Variants in COL26A1 observed in about 807,000 individuals in gnomAD.
COL26A1 encodes collagen type XXVI alpha 1 chain.
A neutral mutation model predicts 59.3 loss-of-function variants in COL26A1; 41 were observed. The ratio of observed to expected loss-of-function variants is 0.69; its 90% CI spans 0.54 to 0.90. The LOEUF is 0.90. COL26A1 is among the 40% of genes least tolerant of loss of function. The pLI, the probability that COL26A1 is intolerant of heterozygous loss-of-function variation, is 0.00. For synonymous variants in COL26A1, 266 were observed against 256.0 expected (o/e 1.04, Z -0.37); for missense variants, 612 against 602.3 (o/e 1.02, Z -0.17).
In COL26A1 at chr7:101,558,501, C is replaced by T. The variant is rs1198849562; in HGVS notation, c.*971C>T. ...TCTCTCAGTGGACTCTATAGGTTTG[C>T]TACTTTTGCATGACACAGCAAGCCC... is the stretch of plus-strand genomic sequence containing the variant. On this transcript the variant is annotated 3_prime_UTR_variant, in exon 13 of 13. Coordinates refer to ENST00000313669, the MANE Select transcript of COL26A1 (RefSeq NM_001278563.3). 6.6e-6 allele frequency: 1 copy of T among 152,214 alleles called. No individual in the cohort carries two copies. Among genetic ancestry groups the T allele is most frequent in the Non-Finnish European group, 1.5e-5 (1 of 68,044 alleles). 9.4% of individuals were successfully genotyped at this position (152,214 alleles called of 1,614,324 possible).
chr7:101,396,479 T>C (rs1022828039), intron 1 of COL26A1, among the ~76,000 whole-genome samples: 6 of 152,056 alleles, frequency 3.9e-5, no homozygotes, highest in African/African-American at 1.4e-4. Flanking sequence ...TCTTTTTTTT[T>C]TGAGATGGAG....
intron 2 of COL26A1, among the ~76,000 whole-genome samples, chr7:101,446,850 T>TAA (rs543443372): frequency 1.7e-5 from 2 of 118,996 alleles, no homozygotes; most frequent in South Asian, 2.6e-4. Flanking sequence ...CTGTCTCAAC[T>TAA]AAAAAAAAAA....
chr7:101,488,832 G>C (rs1794325647), intron 3 of COL26A1, among the ~76,000 whole-genome samples: 2 of 152,152 alleles, frequency 1.3e-5, no homozygotes. Context: ...GTCCTGTCTA[G>C]CGCACTCTTC....
At position 101,553,368 on chromosome 7, in the gene COL26A1, A is replaced by T; in HGVS notation, c.1072A>T (p.Thr358Ser). ...VKGEEGEKAA[T>S]AEGEGVQQLR... is the part of the protein sequence containing the mutation. ...GGGGGAAGAAGGAGAGAAAGCCGCC[A>T]CTGCAGAGGTAACCATGGCTGCCCT... Residue 358 changes from threonine to serine, a missense_variant, in exon 11 of 13, where the codon ACT (threonine) becomes TCT (serine). By Grantham distance (58) the Thr-to-Ser change is moderately conservative. Transcript: ENST00000313669. 1 of 1,613,708 alleles carries T rather than the reference A, an allele frequency of 6.2e-7. No homozygotes were observed. Among genetic ancestry groups the T allele is most frequent in the Admixed American group, 1.7e-5 (1 of 60,010 alleles).
intron 3 of COL26A1, among the ~76,000 whole-genome samples, chr7:101,510,027 C>CTTTTTTTTTTTTTT (rs3073374): frequency 0.011 from 1,319 of 122,170 alleles, 188 homozygotes; most frequent in African/African-American, 0.05. Context: ...CGCGCCCAGT[C>CTTTTTTTTTTTTTT]TTTTTTTTTT....
At chr7:101,404,445 A>G (rs1792081857) in intron 1 of COL26A1, among the ~76,000 whole-genome samples, 1 of 151,958 alleles carries the variant, frequency 6.6e-6, no homozygotes. Flanking sequence ...CCCCCCCCAA[A>G]TGGCTTTGGG....
At chr7:101,392,065 G>T (rs73179267) in intron 1 of COL26A1, among the ~76,000 whole-genome samples, 17,038 of 152,038 alleles carry the variant, frequency 0.11, 1,055 homozygotes, top group Non-Finnish European at 0.15. Context: ...GTTCTTCGAG[G>T]CAGGGAAGTG....
chr7:101,465,601 GGA>G (rs1364801999), intron 3 of COL26A1, among the ~76,000 whole-genome samples: 2 of 151,530 alleles, frequency 1.3e-5, no homozygotes, highest in African/African-American at 2.4e-5. Flanking sequence ...GGCCAAGGCA[GGA>G]GAATTGCTTG....
intron 3 of COL26A1, among the ~76,000 whole-genome samples, chr7:101,514,975 C>G (rs1794999844): frequency 6.6e-6 from 1 of 152,238 alleles, no homozygotes; most frequent in Admixed American, 6.5e-5. Flanking sequence ...CAAGTTCTTT[C>G]AATGGCTTTG....
intron 3 of COL26A1, among the ~76,000 whole-genome samples, chr7:101,470,225 G>A (rs2082471498): frequency 6.6e-6 from 1 of 151,484 alleles, no homozygotes; most frequent in Non-Finnish European, 1.5e-5. Flanking sequence ...TCAGCCTCCT[G>A]AATAGTTGGG....
At chr7:101,439,702 C>A (rs183708094) in intron 2 of COL26A1, among the ~76,000 whole-genome samples, 39 of 152,150 alleles carry the variant, frequency 2.6e-4, no homozygotes, top group Admixed American at 1.6e-3. Context: ...ACTTGGTGAC[C>A]ACTGGAAGTC....
chr7:101,365,576 A>G (rs1202132294), intron 1 of COL26A1, among the ~76,000 whole-genome samples: 1 of 151,944 alleles, frequency 6.6e-6, no homozygotes, highest in East Asian at 1.9e-4. Flanking sequence ...ACAGGTGCCC[A>G]CCACTGCGCC....
chr7:101,467,782 G>C (rs1793798518), intron 3 of COL26A1, among the ~76,000 whole-genome samples: 1 of 152,028 alleles, frequency 6.6e-6, no homozygotes, highest in South Asian at 2.1e-4. Flanking sequence ...CAGCAGAATG[G>C]CATGAACCCG....
chr7:101,555,227 C>T (rs191286360), intron 11 of COL26A1, among the ~76,000 whole-genome samples: 83 of 152,270 alleles, frequency 5.5e-4, no homozygotes, highest in Admixed American at 5.3e-3. Flanking sequence ...CCTTGAAATA[C>T]AGACTCTGCC....
At chr7:101,387,155 G>A (rs577514155) in intron 1 of COL26A1, among the ~76,000 whole-genome samples, 1 of 152,132 alleles carries the variant, frequency 6.6e-6, no homozygotes, top group Non-Finnish European at 1.5e-5. Flanking sequence ...CCCACGGGAT[G>A]CAAGCTGACA....
At chr7:101,548,989 G>A (rs999042855) in intron 8 of COL26A1, among the ~76,000 whole-genome samples, 182 bp from the exon 9 acceptor site, 2 of 152,168 alleles carry the variant, frequency 1.3e-5, no homozygotes, top group African/African-American at 4.8e-5. Context: ...CGGTGGAGAG[G>A]ACCCTGGGCT....
chr7:101,556,319 G>C (rs1413311872), intron 12 of COL26A1, among the ~76,000 whole-genome samples: 1 of 152,230 alleles, frequency 6.6e-6, no homozygotes, highest in East Asian at 1.9e-4. Flanking sequence ...CCCTTGTGCA[G>C]AACAGTGAAT....
intron 1 of COL26A1, among the ~76,000 whole-genome samples, chr7:101,370,394 G>A (rs942581384): frequency 4.6e-5 from 7 of 151,856 alleles, no homozygotes; most frequent in Non-Finnish European, 4.4e-5. Context: ...TTTTTGAGAC[G>A]GAGTCTGGCT....
At chr7:101,394,585 C>CTT (rs59966789) in intron 1 of COL26A1, among the ~76,000 whole-genome samples, 5,008 of 122,702 alleles carry the variant, frequency 0.041, 256 homozygotes, top group African/African-American at 0.089. Flanking sequence ...TTTTTCTTTT[C>CTT]TTTTTTTTTT....
Sources: gnomAD v4.1 joint callset for allele counts (sites outside exome capture counted in the v4.1 genomes callset) on GRCh38, gnomAD v4.1.1 for gene constraint, MANE v1.5 for transcripts, NCBI Gene and HGNC (gene_info 2026-07-23, HGNC 2026-07-21) for gene names.